Variants in ZNF618 observed in about 807,000 individuals in gnomAD.
ZNF618 encodes the protein neural precursor cell expressed, developmentally down-regulated 10.
A neutral mutation model predicts 103.0 loss-of-function variants in ZNF618; 34 were observed. That is an observed-to-expected ratio of 0.33 (90% CI 0.25 to 0.44). The LOEUF is 0.44. ZNF618 is among the 20% of genes least tolerant of loss of function. The pLI is 1.00. For synonymous variants in ZNF618, 551 were observed against 542.2 expected, an observed-to-expected ratio of 1.02 and a Z score of -0.23; for missense variants, 1,059 against 1,295.4, an observed-to-expected ratio of 0.82 and a Z score of 2.80.
At chr9:114,037,733 C>T (rs1284552949) in intron 13 of ZNF618, among the ~76,000 whole-genome samples, 2 of 152,186 alleles carry the variant, frequency 1.3e-5, no homozygotes, top group African/African-American at 4.8e-5. Context: ...GTTCTGTTAG[C>T]GTAGTCTCTA....
chr9:113,884,918 A>G (rs1828923872), intron 1 of ZNF618, among the ~76,000 whole-genome samples: 1 of 152,178 alleles, frequency 6.6e-6, no homozygotes, highest in African/African-American at 2.4e-5. Context: ...CTCCTCAACC[A>G]GTGCTTTTCC....
chr9:114,008,626 G>A, intron 9 of ZNF618, 72 bp downstream of exon 9: 2 of 1,571,068 alleles, frequency 1.3e-6, no homozygotes, highest in Non-Finnish European at 8.7e-7. Context: ...CAGTCTCACT[G>A]CTAGGGCAGG....
chr9:114,032,526 C>G lies in ZNF618; in HGVS notation c.1085-119C>G, dbSNP rs1844173345. ...GAGATCTGGCTTGAGGTCCTGGAGC[C>G]CTCACGAGAGCTAGTTGGCCCAGCA... is the stretch of plus-strand genomic sequence containing the variant. On this transcript the variant is annotated intron_variant, in intron 11 of 14. Coordinates refer to ENST00000374126, the MANE Select transcript of ZNF618 (RefSeq NM_001318042.2). 3 of 866,650 alleles carry G rather than the reference C, an allele frequency of 3.5e-6. No homozygotes were observed. In the Admixed American group the frequency reaches 5.4e-5, roughly 16 times the overall value. 53.7% of individuals were successfully genotyped at this position (866,650 alleles called of 1,614,324 possible).
At chr9:113,892,249 GTGTATT>G (rs1168094381) in intron 1 of ZNF618, among the ~76,000 whole-genome samples, 1 of 152,132 alleles carries the variant, frequency 6.6e-6, no homozygotes, top group African/African-American at 2.4e-5. Context: ...CCATCAAATG[GTGTATT>G]TGCATAGAAC....
intron 1 of ZNF618, among the ~76,000 whole-genome samples, chr9:113,896,554 T>C (rs1830057418): frequency 6.6e-6 from 1 of 152,000 alleles, no homozygotes; most frequent in Non-Finnish European, 1.5e-5. Context: ...AAAGAAGTAA[T>C]TTCTGTTTTT....
intron 9 of ZNF618, among the ~76,000 whole-genome samples, chr9:114,012,382 C>T (rs1842333946): frequency 6.6e-6 from 1 of 152,162 alleles, no homozygotes; most frequent in African/African-American, 2.4e-5. Flanking sequence ...AGCTTTCTGG[C>T]CTCTCTTCTA....
intron 1 of ZNF618, among the ~76,000 whole-genome samples, chr9:113,951,501 A>ACACATGTGTGTGTG (rs1835697857): frequency 1.4e-5 from 1 of 70,842 alleles, no homozygotes; most frequent in African/African-American, 4.7e-5. Flanking sequence ...GTGTATGTGT[A>ACACATGTGTGTGTG]CACATATATG....
chr9:113,921,928 A>G (rs1285737471), intron 1 of ZNF618, among the ~76,000 whole-genome samples: 1 of 152,126 alleles, frequency 6.6e-6, no homozygotes, highest in Non-Finnish European at 1.5e-5. Flanking sequence ...CCAAAGCAAT[A>G]CATGTTCGCT....
At chr9:113,977,160 G>C (rs1838556101) in intron 2 of ZNF618, among the ~76,000 whole-genome samples, 1 of 152,168 alleles carries the variant, frequency 6.6e-6, no homozygotes, top group African/African-American at 2.4e-5. Context: ...CAGTTGTAAT[G>C]CCAGGACGGG....
intron 2 of ZNF618, among the ~76,000 whole-genome samples, chr9:113,969,459 C>T (rs980834986): frequency 6.6e-6 from 1 of 152,216 alleles, no homozygotes; most frequent in South Asian, 2.1e-4. Context: ...GGCTGGAATT[C>T]CATCTGGGCT....
intron 1 of ZNF618, among the ~76,000 whole-genome samples, chr9:113,934,684 C>T (rs1833886329): frequency 1.3e-5 from 2 of 152,178 alleles, no homozygotes; most frequent in Non-Finnish European, 2.9e-5. Context: ...TATGAGCATT[C>T]TGGCCTGTTG....
At chr9:113,933,374 G>C (rs1833767362) in intron 1 of ZNF618, among the ~76,000 whole-genome samples, 1 of 152,182 alleles carries the variant, frequency 6.6e-6, no homozygotes, top group Non-Finnish European at 1.5e-5. Flanking sequence ...AGGAGAGCAG[G>C]GAAATTGCCA....
chr9:113,997,375 C>T (rs959207413), intron 3 of ZNF618, among the ~76,000 whole-genome samples: 2 of 152,176 alleles, frequency 1.3e-5, no homozygotes, highest in African/African-American at 2.4e-5. Context: ...TCCCAAAATG[C>T]TGAGATTCAC....
intron 1 of ZNF618, among the ~76,000 whole-genome samples, chr9:113,940,089 T>C (rs1834412158): frequency 6.6e-6 from 1 of 151,314 alleles, no homozygotes; most frequent in African/African-American, 2.4e-5. Context: ...CTCTCATTGT[T>C]CATTTTTAAA....
Position 114,049,745 on chromosome 9 carries a change from C to G in ZNF618, c.2443C>G (p.Arg815Gly). The G allele has an allele frequency of 6.2e-7, 1 of 1,613,892 alleles. No homozygotes were observed. Among genetic ancestry groups the G allele is most frequent in the African/African-American group, 1.3e-5 (1 of 75,066 alleles). Residue 815 changes from arginine to glycine, a missense_variant, in exon 15 of 15, where the codon CGG (arginine) becomes GGG (glycine). Arg to Gly is a moderately radical substitution (Grantham distance 125, BLOSUM62 -2). This residue lies in a region of ZNF618 where 156 missense variants were observed against 197.1 expected (regional missense o/e 0.79). Coordinates refer to ENST00000374126, the MANE Select transcript of ZNF618 (RefSeq NM_001318042.2). The stretch of plus-strand genomic sequence containing the variant: ...GATCCTGGACCCGCAGCAGAAGCTG[C>G]GGCCTGTGCCACCCTACCAGCACGA... ...AMILDPQQKL[R>G]PVPPYQHEEI...
Position 113,998,166 on chromosome 9 carries a change from C to T in ZNF618, c.338-93C>T, listed in dbSNP as rs141833769. The T allele has an allele frequency of 6.7e-4, 757 of 1,137,720 alleles. 3 individuals are homozygous for T. The highest frequency in any genetic ancestry group is 4.3e-3 in the African/African-American group (278 of 64,918). 70.5% of individuals were successfully genotyped at this position (1,137,720 alleles called of 1,614,324 possible). On this transcript the variant is annotated intron_variant, in intron 3 of 14. Coordinates refer to ENST00000374126, the MANE Select transcript of ZNF618 (RefSeq NM_001318042.2). ...GAGGTAGGCAGTGTGATCTTGTCCA[C>T]GCTTCTCAAAGTGCAGCCAACTTCG...
intron 1 of ZNF618, among the ~76,000 whole-genome samples, chr9:113,929,470 T>TA (rs1833388051): frequency 2.0e-5 from 3 of 152,246 alleles, no homozygotes; most frequent in Non-Finnish European, 4.4e-5. Flanking sequence ...GCTCTGTACA[T>TA]ATCAGGGCTG....
chr9:114,020,815 G>A (rs1843009913), intron 10 of ZNF618, among the ~76,000 whole-genome samples: 1 of 151,454 alleles, frequency 6.6e-6, no homozygotes, highest in Non-Finnish European at 1.5e-5. Context: ...ATTCTGGTTA[G>A]GTCCCTCCAG....
chr9:114,016,161 G>A, intron 9 of ZNF618: 1 of 1,613,716 alleles, frequency 6.2e-7, no homozygotes, highest in Non-Finnish European at 8.5e-7. Flanking sequence ...GTTAGGCAGT[G>A]CCAAAAGAGA....
Sources: gnomAD v4.1 joint callset for allele counts (sites outside exome capture counted in the v4.1 genomes callset) on GRCh38, gnomAD v4.1.1 for gene constraint, gnomAD v4.1.1 regional missense constraint, MANE v1.5 for transcripts, NCBI Gene and HGNC (gene_info 2026-07-23, HGNC 2026-07-21) for gene names.